The following CFAP299 variants were observed in gnomAD, a reference collection of about 807,000 sequenced individuals.
The protein encoded by CFAP299 is cilia and flagella associated protein 299.
CFAP299 carries 21 observed loss-of-function variants against 27.0 expected under a neutral mutation model. The observed-to-expected ratio is 0.78, with a 90% CI of 0.55 to 1.12. CFAP299 has a LOEUF of 1.12. Among genes scored for constraint, CFAP299 ranks in the 50% most tolerant of loss-of-function variants. The probability of loss-of-function intolerance (pLI) is 0.00; values close to 1 mark genes in which losing one functional copy is unlikely to be tolerated. For missense variants in CFAP299, 310 were observed against 276.6 expected (o/e 1.12, Z -0.86); for synonymous variants, 104 against 98.1 (o/e 1.06, Z -0.36).
intron 3 of CFAP299, among the ~76,000 whole-genome samples, chr4:80,610,784 G>A (rs1053616188): frequency 5.3e-5 from 8 of 151,866 alleles, no homozygotes; most frequent in Admixed American, 2.6e-4. Flanking sequence ...ATACCCAGAT[G>A]GCTATCTCAA....
At chr4:80,850,602 G>A (rs576665913) in intron 3 of CFAP299, among the ~76,000 whole-genome samples, 1 of 152,086 alleles carries the variant, frequency 6.6e-6, no homozygotes, top group Admixed American at 6.5e-5. Flanking sequence ...TAAGGGAGAG[G>A]TGAGAGTGGT....
chr4:80,377,905 C>T (rs909657273), intron 2 of CFAP299, among the ~76,000 whole-genome samples: 1 of 152,118 alleles, frequency 6.6e-6, no homozygotes, highest in Non-Finnish European at 1.5e-5. Context: ...AAACGCACTT[C>T]TCACATGGCA....
chr4:80,541,859 T>C (rs1187709005), intron 2 of CFAP299, among the ~76,000 whole-genome samples: 1 of 152,106 alleles, frequency 6.6e-6, no homozygotes, highest in Non-Finnish European at 1.5e-5. Context: ...GAGTTTCAAG[T>C]TGTTTACCTA....
intron 2 of CFAP299, among the ~76,000 whole-genome samples, chr4:80,378,125 T>C (rs920980526): frequency 5.3e-5 from 8 of 152,200 alleles, no homozygotes; most frequent in African/African-American, 1.9e-4. Context: ...AGCCAAACCA[T>C]ATCAATAGCT....
chr4:80,459,878 T>C (rs1385766801), intron 2 of CFAP299, among the ~76,000 whole-genome samples: 1 of 152,138 alleles, frequency 6.6e-6, no homozygotes, highest in East Asian at 1.9e-4. Flanking sequence ...ACTTCCCTTT[T>C]GCCCTCTGAA....
chr4:80,335,256 C>T (rs115910565), upstream of CFAP299, among the ~76,000 whole-genome samples: 1,863 of 152,190 alleles, frequency 0.012, 38 homozygotes, highest in African/African-American at 0.042. Context: ...TCATAAATTG[C>T]TTCTTGTACA....
At chr4:80,357,443 T>C (rs770533139) in intron 1 of CFAP299, among the ~76,000 whole-genome samples, 9 of 152,322 alleles carry the variant, frequency 5.9e-5, no homozygotes, top group Non-Finnish European at 8.8e-5. Context: ...TCTGGTAGAA[T>C]TCAGCTGTGA....
intron 2 of CFAP299, among the ~76,000 whole-genome samples, chr4:80,430,062 T>C (rs1023961908): frequency 6.6e-6 from 1 of 152,176 alleles, no homozygotes; most frequent in Non-Finnish European, 1.5e-5. Context: ...CTAATAAGCA[T>C]TTTATGACTA....
intron 3 of CFAP299, among the ~76,000 whole-genome samples, chr4:80,815,483 C>T (rs935742411): frequency 6.6e-6 from 1 of 151,846 alleles, no homozygotes; most frequent in Non-Finnish European, 1.5e-5. Context: ...CAGAATATGA[C>T]ATTGAACACA....
intron 3 of CFAP299, among the ~76,000 whole-genome samples, chr4:80,847,487 TAGCTCC>T (rs1731250462): frequency 6.6e-6 from 1 of 152,204 alleles, no homozygotes; most frequent in South Asian, 2.1e-4. Context: ...TTATTACTAA[TAGCTCC>T]AGGTTCATGC....
At chr4:80,583,230 C>T (rs915909654) in intron 3 of CFAP299, 47 bp downstream of exon 3, 5 of 1,058,668 alleles carry the variant, frequency 4.7e-6, no homozygotes, top group Non-Finnish European at 2.8e-6. Context: ...ACTAAATGCA[C>T]AATTAATATT....
intron 3 of CFAP299, among the ~76,000 whole-genome samples, chr4:80,798,454 A>G (rs2110103944): frequency 6.6e-6 from 1 of 152,222 alleles, no homozygotes; most frequent in East Asian, 1.9e-4. Flanking sequence ...GTGTCCTCCC[A>G]CACATCCCCA....
intron 2 of CFAP299, among the ~76,000 whole-genome samples, chr4:80,421,777 C>T (rs943396548): frequency 6.6e-6 from 1 of 152,156 alleles, no homozygotes; most frequent in African/African-American, 2.4e-5. Flanking sequence ...TCAAAGAGAT[C>T]TTTTACACAA....
intron 4 of CFAP299, chr4:80,873,047 G>A (rs1312732838): frequency 1.0e-6 from 1 of 970,638 alleles, no homozygotes; most frequent in Non-Finnish European, 1.2e-6. Flanking sequence ...CATCCTTTTT[G>A]GAAGTCATAA....
intron 2 of CFAP299, among the ~76,000 whole-genome samples, chr4:80,398,919 GAA>G (rs1413211633): frequency 6.6e-6 from 1 of 151,538 alleles, no homozygotes; most frequent in Non-Finnish European, 1.5e-5. Context: ...CCGAATGGGA[GAA>G]AAGTTTTGCA....
intron 2 of CFAP299, among the ~76,000 whole-genome samples, chr4:80,483,762 A>G (rs994734118): frequency 6.6e-6 from 1 of 152,072 alleles, no homozygotes; most frequent in African/African-American, 2.4e-5. Context: ...AAAATCAGAG[A>G]CTCAGACCTT....
chr4:80,834,736 A>G lies in CFAP299; in HGVS notation c.334-35257A>G, dbSNP rs550962791. On this transcript the variant is annotated intron_variant, in intron 3 of 5. Transcript: ENST00000358105. Reference sequence around the variant, plus strand: ...GTAGTCGGCGGACAGGGCAGTTCTTACCACATTTCACATATAGCAGGATCC... The same window carrying G: ...GTAGTCGGCGGACAGGGCAGTTCTTGCCACATTTCACATATAGCAGGATCC... Among the ~76,000 whole-genome samples, 6 of 152,260 alleles carry G rather than the reference A, an allele frequency of 3.9e-5. No individual in the cohort carries two copies. The East Asian group carries it at 1.2e-3, about 29-fold the overall frequency.
chr4:80,577,887 G>T (rs1578624979), intron 2 of CFAP299, among the ~76,000 whole-genome samples: 2 of 152,106 alleles, frequency 1.3e-5, no homozygotes, highest in South Asian at 4.2e-4. Flanking sequence ...TTTTCCTTTT[G>T]TTATTCATTC....
chr4:80,366,423 T>C (rs537850020), intron 2 of CFAP299, among the ~76,000 whole-genome samples: 7 of 152,288 alleles, frequency 4.6e-5, no homozygotes, highest in Admixed American at 6.5e-5. Context: ...CAGGAAGGTA[T>C]ATTTTGATTA....
Sources: allele counts gnomAD v4.1 joint callset (sites outside exome capture counted in the v4.1 genomes callset), GRCh38; gene constraint gnomAD v4.1.1; transcripts MANE v1.5; gene names NCBI Gene and HGNC (gene_info 2026-07-23, HGNC 2026-07-21).